The following CFAP61 variants were observed in gnomAD, a reference collection of about 807,000 sequenced individuals.
CFAP61 encodes cilia- and flagella-associated protein 61.
A neutral mutation model predicts 135.6 loss-of-function variants in CFAP61; 107 were observed. That is an observed-to-expected ratio of 0.79 (90% CI 0.67 to 0.93). CFAP61 has a LOEUF of 0.93. Ranked by LOEUF, CFAP61 falls within the 40% of genes least tolerant of loss-of-function variation. The pLI is 0.00. For missense variants in CFAP61, 1,507 were observed against 1,556.2 expected (o/e 0.97, Z 0.53); for synonymous variants, 575 against 578.5 (o/e 0.99, Z 0.09).
At chr20:20,268,728 C>A (rs887362379) in intron 21 of CFAP61, among the ~76,000 whole-genome samples, 1 of 152,146 alleles carries the variant, frequency 6.6e-6, no homozygotes, top group Non-Finnish European at 1.5e-5. Flanking sequence ...TAGAACCCAG[C>A]AACCCGATAC....
At chr20:20,091,273 A>G (rs1036240289) in intron 7 of CFAP61, among the ~76,000 whole-genome samples, 1 of 152,312 alleles carries the variant, frequency 6.6e-6, no homozygotes, top group Non-Finnish European at 1.5e-5. Context: ...ATTTCTGAGG[A>G]TCCCCAAATC....
At chr20:20,292,456 C>T (rs1003254385) in intron 24 of CFAP61, among the ~76,000 whole-genome samples, 1 of 152,134 alleles carries the variant, frequency 6.6e-6, no homozygotes, top group Non-Finnish European at 1.5e-5. Context: ...GTATAAAAAA[C>T]ACCTAGTGGC....
At chr20:20,106,168 T>G (rs545534866) in intron 8 of CFAP61, among the ~76,000 whole-genome samples, 1 of 151,778 alleles carries the variant, frequency 6.6e-6, no homozygotes, top group East Asian at 2.0e-4. Context: ...GAGTTTAGAC[T>G]CTTTCAGGGC....
chr20:20,114,733 A>G (rs1243265938), intron 8 of CFAP61, among the ~76,000 whole-genome samples: 3 of 152,098 alleles, frequency 2.0e-5, no homozygotes, highest in Non-Finnish European at 4.4e-5. Flanking sequence ...TCCAAACTTT[A>G]TAATTTAAAT....
In CFAP61 at chr20:20,067,752, T is replaced by G. The variant is rs912149002; in HGVS notation, c.144-3102T>G. ...CATATTATTTTATATATAATATATATTTATATTATTATATATGTATTTATT... is the reference window on the plus strand; with the variant it reads ...CATATTATTTTATATATAATATATAGTTATATTATTATATATGTATTTATT... On this transcript the variant is annotated intron_variant, in intron 2 of 26. Transcript: ENST00000245957. 4.2e-5 allele frequency among the ~76,000 whole-genome samples: 6 copies of G among 144,268 alleles called. No homozygotes were observed. The South Asian group carries it at 1.3e-3, about 31-fold the overall frequency. The allele number at this position is 144,268 out of a possible 152,430, so 94.6% of individuals were successfully genotyped here.
In CFAP61 at chr20:20,298,327, G is replaced by A. The variant is rs1601883146; in HGVS notation, c.3363G>A (p.Glu1121=). ...ACATCCGCTTGTTTGGCCAGCACGA[G>A]CAACTCCTCAACAACCTGTGTGCTC... is the stretch of plus-strand genomic sequence containing the variant. ...SNYIRLFGQH[E]QLLNNLCARY... Residue 1121 remains glutamate, a synonymous_variant, in exon 25 of 27, where the codon GAG becomes GAA. Transcript: ENST00000245957. 1 of 1,614,156 alleles carries A rather than the reference G, an allele frequency of 6.2e-7. No homozygotes were observed. Among genetic ancestry groups the A allele is most frequent in the African/African-American group, 1.3e-5 (1 of 75,034 alleles).
rs1229788274 is a variant in CFAP61, at chr20:20,295,181, C to T, written c.3217-3000C>T. On this transcript the variant is annotated intron_variant, in intron 24 of 26. Coordinates refer to ENST00000245957, the MANE Select transcript of CFAP61 (RefSeq NM_015585.4). ...ACCCTCGTCTTGAGGTGCACAGCCTCGGCCACGTACATGGAATCCAAGTCA... is the reference window on the plus strand; with the variant it reads ...ACCCTCGTCTTGAGGTGCACAGCCTTGGCCACGTACATGGAATCCAAGTCA... Among the ~76,000 whole-genome samples the T allele has an allele frequency of 3.3e-5, 5 of 152,182 alleles. No individual in the cohort carries two copies. In the East Asian group the frequency reaches 9.6e-4, roughly 29 times the overall value.
rs764728639 is a variant in CFAP61 at position 20,288,691 on chromosome 20, G to A, written c.2879G>A (p.Arg960Gln). ...LNDACLVYDSRLVIDTNFHTN... is the reference protein window; with the variant it reads ...LNDACLVYDSQLVIDTNFHTN... ...GATGCATGTCTTGTGTATGACAGTC[G>A]ACTTGTGATTGATACCAACTTCCAC... Residue 960 changes from arginine to glutamine, a missense_variant, in exon 23 of 27, where the codon CGA (arginine) becomes CAA (glutamine). Transcript: ENST00000245957. 2.9e-5 allele frequency: 46 copies of A among 1,613,908 alleles called. No homozygotes were observed. Among genetic ancestry groups the A allele is most frequent in the African/African-American group, 4.0e-5 (3 of 74,904 alleles).
intron 3 of CFAP61, among the ~76,000 whole-genome samples, chr20:20,073,109 T>G (rs760798449): frequency 6.6e-6 from 1 of 152,220 alleles, no homozygotes; most frequent in Non-Finnish European, 1.5e-5. Flanking sequence ...TTGTAATATT[T>G]ATGATGGAAG....
At chr20:20,177,627 G>T (rs2054732433) in intron 13 of CFAP61, among the ~76,000 whole-genome samples, 1 of 151,530 alleles carries the variant, frequency 6.6e-6, no homozygotes. Context: ...TATCCCAGGT[G>T]CTGGGGAAAC....
chr20:20,291,253 C>A (rs1025096795), intron 24 of CFAP61, among the ~76,000 whole-genome samples: 1 of 152,220 alleles, frequency 6.6e-6, no homozygotes, highest in African/African-American at 2.4e-5. Flanking sequence ...TGACACATAT[C>A]CACCATTACA....
rs188176042 is a variant in CFAP61 at position 20,128,246 on chromosome 20, T to C, written c.860-14611T>C. On this transcript the variant is annotated intron_variant, in intron 8 of 26. Coordinates refer to ENST00000245957, the MANE Select transcript of CFAP61 (RefSeq NM_015585.4). ...AATTGTTACAAACTTCAGCTGAAGA[T>C]TTCCTTCTCCCCGTGGTGTTTTTCC... Among the ~76,000 whole-genome samples the C allele has an allele frequency of 1.5e-3, 224 of 151,762 alleles. 1 individual carries two copies. Among genetic ancestry groups the C allele is most frequent in the Non-Finnish European group, 1.4e-3 (97 of 68,002 alleles).
chr20:20,261,260 A>C (rs1360901396), intron 20 of CFAP61, among the ~76,000 whole-genome samples: 1 of 152,258 alleles, frequency 6.6e-6, no homozygotes, highest in Non-Finnish European at 1.5e-5. Context: ...GAGGAAGTGT[A>C]TAACCAAAAG....
At chr20:20,281,087 C>A (rs1265720987) in intron 22 of CFAP61, among the ~76,000 whole-genome samples, 1 of 152,160 alleles carries the variant, frequency 6.6e-6, no homozygotes, top group Non-Finnish European at 1.5e-5. Flanking sequence ...TGCAGGTTTA[C>A]AAAATGCAAT....
At chr20:20,246,259 T>C in intron 19 of CFAP61, 44 bp downstream of exon 19, 2 of 1,168,914 alleles carry the variant, frequency 1.7e-6, no homozygotes, top group Non-Finnish European at 2.6e-6. Flanking sequence ...CTAAATGTCC[T>C]ACTCTGTGTG....
intron 8 of CFAP61, among the ~76,000 whole-genome samples, chr20:20,101,061 T>A (rs1373106775): frequency 6.6e-6 from 1 of 152,160 alleles, no homozygotes; most frequent in Non-Finnish European, 1.5e-5. Flanking sequence ...CCACATAACT[T>A]CCAGGGATTG....
intron 9 of CFAP61, among the ~76,000 whole-genome samples, chr20:20,157,637 A>C (rs1332106873): frequency 6.6e-6 from 1 of 152,224 alleles, no homozygotes; most frequent in African/African-American, 2.4e-5. Flanking sequence ...CATAGACTTG[A>C]ATGTAGAATT....
At chr20:20,088,444 G>T (rs1600553233) in intron 6 of CFAP61, among the ~76,000 whole-genome samples, 1 of 152,234 alleles carries the variant, frequency 6.6e-6, no homozygotes, top group Admixed American at 6.5e-5. Context: ...TTCTTCACAA[G>T]GCAGCAAGAA....
At chr20:20,209,314 ATTTGT>A (rs1272174453) in intron 17 of CFAP61, among the ~76,000 whole-genome samples, 3 of 152,168 alleles carry the variant, frequency 2.0e-5, no homozygotes, top group Non-Finnish European at 4.4e-5. Flanking sequence ...TTTTCAGCAC[ATTTGT>A]TTTGATTTCC....
Sources: allele counts gnomAD v4.1 joint callset (sites outside exome capture counted in the v4.1 genomes callset), GRCh38; gene constraint gnomAD v4.1.1; transcripts MANE v1.5; gene names NCBI Gene and HGNC (gene_info 2026-07-23, HGNC 2026-07-21).